The following BEND6 variants were observed in gnomAD, a reference collection of about 807,000 sequenced individuals.
BEND6 encodes BEN domain containing 6.
BEND6 carries 24 observed loss-of-function variants against 31.8 expected under a neutral mutation model. The ratio of observed to expected loss-of-function variants is 0.75; its 90% CI spans 0.55 to 1.06. The LOEUF (loss-of-function observed/expected upper bound fraction) is 1.06, where lower values mean the gene tolerates loss of function less well. Ranked by LOEUF, BEND6 falls within the 50% of genes least tolerant of loss-of-function variation. The pLI is 0.00. For missense variants in BEND6, 294 were observed against 327.4 expected (o/e 0.90, Z 0.79); for synonymous variants, 109 against 114.6 (o/e 0.95, Z 0.31).
rs528354021 is a variant in BEND6, at chr6:56,999,895, C to T, written c.298+7340C>T. On this transcript the variant is annotated intron_variant, in intron 3 of 6. Coordinates refer to ENST00000370746, the MANE Select transcript of BEND6 (RefSeq NM_152731.3). ...CGCCCATTGTCTGGGATGTGAGGAG[C>T]GCCTCTGCCCAGCCGCCCCGTCTAG... Among the ~76,000 whole-genome samples the T allele has an allele frequency of 1.9e-3, 296 of 152,056 alleles. 1 individual carries two copies. The highest frequency in any genetic ancestry group is 6.9e-3 in the African/African-American group (286 of 41,474).
At chr6:56,997,700 C>T (rs1826774672) in intron 3 of BEND6, among the ~76,000 whole-genome samples, 1 of 152,118 alleles carries the variant, frequency 6.6e-6, no homozygotes, top group South Asian at 2.1e-4. Flanking sequence ...ACTACAGGTG[C>T]CTGCCACCAC....
chr6:57,013,158 C>T (rs1165005409), intron 3 of BEND6, among the ~76,000 whole-genome samples: 2 of 152,200 alleles, frequency 1.3e-5, no homozygotes, highest in African/African-American at 2.4e-5. Flanking sequence ...GTGTCCTCCC[C>T]ACTGCCAAGA....
intron 4 of BEND6, among the ~76,000 whole-genome samples, chr6:57,015,575 C>A (rs1183112334): frequency 6.6e-6 from 1 of 150,478 alleles, no homozygotes; most frequent in Non-Finnish European, 1.5e-5. Context: ...CTGAGGCGGG[C>A]AGATCATGAG....
intron 1 of BEND6, among the ~76,000 whole-genome samples, chr6:56,968,031 T>C (rs1016048): frequency 0.21 from 32,657 of 152,152 alleles, 3,655 homozygotes; most frequent in Middle Eastern, 0.23. Context: ...TGTTTTTATT[T>C]TTATTAAGTG....
intron 2 of BEND6, among the ~76,000 whole-genome samples, chr6:56,983,970 G>C (rs904595540): frequency 5.3e-5 from 8 of 152,130 alleles, no homozygotes; most frequent in Non-Finnish European, 8.8e-5. Flanking sequence ...TATAATCCCA[G>C]CACTTTGGAA....
chr6:57,012,408 G>A (rs1437177934), intron 3 of BEND6, among the ~76,000 whole-genome samples: 1 of 152,222 alleles, frequency 6.6e-6, no homozygotes. Context: ...TGCCTCTGTG[G>A]TAAGTCCAAG....
chr6:57,027,244 G>A lies in BEND6; in HGVS notation c.*1172G>A, dbSNP rs1460155406. The A allele has an allele frequency of 6.6e-6, 1 of 152,130 alleles. No individual in the cohort carries two copies. Among genetic ancestry groups the A allele is most frequent in the Non-Finnish European group, 1.5e-5 (1 of 68,014 alleles). The allele number at this position is 152,130 out of a possible 1,614,324, so 9.4% of individuals were successfully genotyped here. On this transcript the variant is annotated 3_prime_UTR_variant, in exon 7 of 7. Coordinates refer to ENST00000370746, the MANE Select transcript of BEND6 (RefSeq NM_152731.3). ...AGGAAATTTTCCATAAGTCTTGCTT[G>A]ATAACAATGTGATTGTACAAAATAA...
chr6:56,966,186 C>T (rs1825472757), intron 1 of BEND6, among the ~76,000 whole-genome samples: 1 of 152,118 alleles, frequency 6.6e-6, no homozygotes, highest in African/African-American at 2.4e-5. Context: ...ACTGCAACCT[C>T]CATCTTCCGG....
intron 3 of BEND6, among the ~76,000 whole-genome samples, chr6:57,003,398 G>A (rs746830259): frequency 3.3e-5 from 5 of 152,140 alleles, no homozygotes; most frequent in African/African-American, 4.8e-5. Context: ...CTACTCAGGA[G>A]TCTGAAGCAG....
At chr6:56,965,677 TA>T (rs1160177000) in intron 1 of BEND6, among the ~76,000 whole-genome samples, 1 of 41,592 alleles carries the variant, frequency 2.4e-5, no homozygotes, top group East Asian at 5.0e-4. Context: ...CAAAAAAATT[TA>T]TATATATATA....
chr6:57,022,611 TTTTG>T (rs552160196), intron 6 of BEND6, among the ~76,000 whole-genome samples: 24 of 152,218 alleles, frequency 1.6e-4, no homozygotes, highest in African/African-American at 5.3e-4. Context: ...AAATCTCCTT[TTTTG>T]TTTGTTTGTT....
intron 1 of BEND6, among the ~76,000 whole-genome samples, chr6:56,966,093 TTTTGTTTG>T (rs901176469): frequency 1.3e-5 from 2 of 151,948 alleles, no homozygotes; most frequent in Non-Finnish European, 2.9e-5. Flanking sequence ...GTGGTTTGTT[TTTTGTTTG>T]TTTGTTTGTT....
intron 3 of BEND6, among the ~76,000 whole-genome samples, chr6:57,001,216 T>G (rs1381568417): frequency 6.7e-6 from 1 of 148,394 alleles, no homozygotes; most frequent in Non-Finnish European, 1.5e-5. Context: ...CAGGTTGGAG[T>G]GTAGTGATGC....
At chr6:56,984,400 A>C (rs1235645485) in intron 2 of BEND6, among the ~76,000 whole-genome samples, 3 of 152,198 alleles carry the variant, frequency 2.0e-5, no homozygotes, top group Non-Finnish European at 4.4e-5. Flanking sequence ...GCCCAGCATC[A>C]GTGTTTAAGA....
intron 1 of BEND6, among the ~76,000 whole-genome samples, chr6:56,959,578 T>C (rs1825217460): frequency 6.6e-6 from 1 of 152,200 alleles, no homozygotes; most frequent in Non-Finnish European, 1.5e-5. Context: ...AGCTATATCA[T>C]CTGGAAGAAC....
At chr6:57,012,321 A>G (rs1243184404) in intron 3 of BEND6, among the ~76,000 whole-genome samples, 2 of 152,260 alleles carry the variant, frequency 1.3e-5, no homozygotes, top group Non-Finnish European at 2.9e-5. Flanking sequence ...AAAGGAGAAT[A>G]TACTGTTTGA....
intron 1 of BEND6, among the ~76,000 whole-genome samples, chr6:56,961,045 A>C (rs972181326): frequency 6.6e-6 from 1 of 152,192 alleles, no homozygotes; most frequent in Non-Finnish European, 1.5e-5. Flanking sequence ...CTGAAATTAC[A>C]TGTAAAAACT....
chr6:56,984,415 C>T (rs1261091632), intron 2 of BEND6, among the ~76,000 whole-genome samples: 3 of 152,094 alleles, frequency 2.0e-5, no homozygotes, highest in Non-Finnish European at 4.4e-5. Context: ...TTAAGAGGTT[C>T]CCATATTTGT....
intron 1 of BEND6, among the ~76,000 whole-genome samples, chr6:56,968,255 G>A (rs1189998035): frequency 1.3e-5 from 2 of 150,660 alleles, no homozygotes; most frequent in Non-Finnish European, 3.0e-5. Flanking sequence ...AAATGATTCA[G>A]GTCTATAGCC....
Sources: allele counts gnomAD v4.1 joint callset (sites outside exome capture counted in the v4.1 genomes callset), GRCh38; gene constraint gnomAD v4.1.1; transcripts MANE v1.5; gene names NCBI Gene and HGNC (gene_info 2026-07-23, HGNC 2026-07-21).